Variants in AGBL4 observed in about 807,000 individuals in gnomAD.
AGBL4 encodes the protein AGBL carboxypeptidase 4, also known as cytosolic carboxypeptidase 6.
A neutral mutation model predicts 66.4 loss-of-function variants in AGBL4; 58 were observed. The observed-to-expected ratio is 0.87, with a 90% CI of 0.71 to 1.09. The LOEUF (loss-of-function observed/expected upper bound fraction) is 1.09, where lower values mean the gene tolerates loss of function less well. Ranked by LOEUF, AGBL4 falls within the 50% of genes least tolerant of loss-of-function variation. The pLI is 0.00. For missense variants in AGBL4, 579 were observed against 631.0 expected (o/e 0.92, Z 0.88); for synonymous variants, 234 against 222.9 (o/e 1.05, Z -0.44).
At chr1:48,851,764 C>T (rs1570830759) in intron 6 of AGBL4, among the ~76,000 whole-genome samples, 1 of 152,122 alleles carries the variant, frequency 6.6e-6, no homozygotes, top group East Asian at 1.9e-4. Flanking sequence ...CTCATTTTTT[C>T]AGTTTCTAGA....
chr1:48,692,497 G>C (rs1456960730), intron 6 of AGBL4, among the ~76,000 whole-genome samples: 3 of 152,186 alleles, frequency 2.0e-5, no homozygotes, highest in African/African-American at 7.2e-5. Context: ...GGAGAGGAGC[G>C]TGGGCTGGCC....
chr1:48,785,264 G>C (rs1645383119), intron 6 of AGBL4, among the ~76,000 whole-genome samples: 1 of 152,194 alleles, frequency 6.6e-6, no homozygotes, highest in Non-Finnish European at 1.5e-5. Context: ...CATTAGAGAA[G>C]TGACCATATC....
rs893343811 is a variant in AGBL4, at chr1:49,408,849, C to T, written c.283-162985G>A. ...AGCTGGCAGACAGCCTATTGTGGGA[C>T]TTCACTTTGTGATCGTGTGAGTCAA... On this transcript the variant is annotated intron_variant, in intron 3 of 13. Transcript: ENST00000371839. 4.6e-5 allele frequency among the ~76,000 whole-genome samples: 7 copies of T among 152,316 alleles called. No homozygotes were observed. In the East Asian group the frequency reaches 7.7e-4, roughly 17 times the overall value.
At chr1:49,756,079 T>A (rs143120425) in intron 2 of AGBL4, among the ~76,000 whole-genome samples, 132 of 152,286 alleles carry the variant, frequency 8.7e-4, no homozygotes, top group African/African-American at 3.1e-3. Context: ...CTCTTCAAAT[T>A]TATTTGAAAT....
intron 4 of AGBL4, among the ~76,000 whole-genome samples, chr1:49,170,677 A>G (rs938343411): frequency 2.0e-5 from 3 of 149,184 alleles, no homozygotes; most frequent in African/African-American, 4.9e-5. Flanking sequence ...AAATATGTGT[A>G]TATATATATA....
intron 1 of AGBL4, among the ~76,000 whole-genome samples, chr1:49,885,076 G>T (rs903066711): frequency 7.9e-5 from 12 of 151,800 alleles, no homozygotes; most frequent in African/African-American, 2.9e-4. Flanking sequence ...GTTCATATTG[G>T]TCAAAGTGAA....
In AGBL4 at chr1:49,879,357, T is replaced by G. The variant is rs1386682217; in HGVS notation, c.35-27839A>C. Among the ~76,000 whole-genome samples, 7 of 150,990 alleles carry G rather than the reference T, an allele frequency of 4.6e-5. No homozygotes were observed. The East Asian group carries it at 1.4e-3, about 30-fold the overall frequency. On this transcript the variant is annotated intron_variant, in intron 1 of 13. Transcript: ENST00000371839. ...AGGAGCTCTTTTAGGGCAGGCCTGG[T>G]GGTGACAAAATCTCTCAGCATTTGC...
chr1:49,490,044 T>C (rs1217323354), intron 3 of AGBL4, among the ~76,000 whole-genome samples: 2 of 151,858 alleles, frequency 1.3e-5, no homozygotes, highest in East Asian at 3.9e-4. Flanking sequence ...CTGTATTATG[T>C]GTTCTGGCTA....
At chr1:48,644,204 GTGT>G (rs1194625972) in intron 8 of AGBL4, among the ~76,000 whole-genome samples, 2 of 152,072 alleles carry the variant, frequency 1.3e-5, no homozygotes, top group Non-Finnish European at 2.9e-5. Flanking sequence ...TTATATTACT[GTGT>G]TGTTATTTAT....
intron 4 of AGBL4, among the ~76,000 whole-genome samples, chr1:49,234,627 C>A (rs564589144): frequency 2.0e-5 from 3 of 152,108 alleles, no homozygotes; most frequent in African/African-American, 7.2e-5. Context: ...TTTCCAGGGT[C>A]TTTTCCCTGT....
chr1:49,880,741 G>T (rs1461320926), intron 1 of AGBL4, among the ~76,000 whole-genome samples: 1 of 152,110 alleles, frequency 6.6e-6, no homozygotes, highest in Non-Finnish European at 1.5e-5. Flanking sequence ...GGGCAATGGC[G>T]GGCGCCCCTC....
intron 3 of AGBL4, among the ~76,000 whole-genome samples, chr1:49,305,688 A>C (rs968720302): frequency 7.4e-6 from 1 of 135,870 alleles, no homozygotes; most frequent in Non-Finnish European, 1.6e-5. Context: ...ATATGAATTA[A>C]TCATTCCTTT....
chr1:49,111,327 T>C (rs1645405670), intron 4 of AGBL4, among the ~76,000 whole-genome samples: 1 of 152,202 alleles, frequency 6.6e-6, no homozygotes, highest in Non-Finnish European at 1.5e-5. Flanking sequence ...TTAGCCAGGA[T>C]GGTCTCAATC....
At chr1:48,572,958 A>T (rs1233432171) in intron 11 of AGBL4, among the ~76,000 whole-genome samples, 1 of 152,208 alleles carries the variant, frequency 6.6e-6, no homozygotes, top group African/African-American at 2.4e-5. Flanking sequence ...GTGGGTTACC[A>T]GCCCTGTGGC....
In AGBL4 at chr1:49,965,920, C is replaced by T. The variant is rs187165689; in HGVS notation, c.34+57843G>A. 1.5e-4 allele frequency among the ~76,000 whole-genome samples: 23 copies of T among 151,918 alleles called. No individual in the cohort carries two copies. The East Asian group carries it at 3.9e-3, about 25-fold the overall frequency. ...TAATAATAATAATTCAACCAGAGCCCCATTAGTCTATTACAATGATTTTTT... is the reference window on the plus strand; with the variant it reads ...TAATAATAATAATTCAACCAGAGCCTCATTAGTCTATTACAATGATTTTTT... On this transcript the variant is annotated intron_variant, in intron 1 of 13. Coordinates refer to ENST00000371839, the MANE Select transcript of AGBL4 (RefSeq NM_032785.4).
intron 3 of AGBL4, among the ~76,000 whole-genome samples, chr1:49,617,859 G>T (rs1304530383): frequency 6.6e-6 from 1 of 152,094 alleles, no homozygotes; most frequent in African/African-American, 2.4e-5. Flanking sequence ...GTTTTGTTTT[G>T]TTTTTCATAT....
At position 49,269,400 on chromosome 1, in the gene AGBL4, A is replaced by C. The variant is rs537698566; in HGVS notation, c.283-23536T>G. ...AGATGGCTGTTCAAAGAGCCAACAA[A>C]TAGAAATAACCCTGTAAAGCTGTAT... On this transcript the variant is annotated intron_variant, in intron 3 of 13. Transcript: ENST00000371839. The C allele has an allele frequency of 3.3e-5, 5 of 152,350 alleles. 1 individual carries two copies. In the South Asian group the frequency reaches 1.0e-3, roughly 32 times the overall value. 9.4% of individuals were successfully genotyped at this position (152,350 alleles called of 1,614,324 possible). A position where few individuals can be genotyped will look rare whatever the true frequency, so the allele number is the denominator to read the frequency against.
intron 6 of AGBL4, among the ~76,000 whole-genome samples, chr1:48,760,243 T>C (rs1292351593): frequency 1.3e-5 from 2 of 152,198 alleles, no homozygotes; most frequent in Non-Finnish European, 2.9e-5. Flanking sequence ...CAGCTTCTAC[T>C]GAGGGGCAGT....
At chr1:48,680,159 ATTTGC>A (rs1276203938) in intron 6 of AGBL4, among the ~76,000 whole-genome samples, 4 of 152,214 alleles carry the variant, frequency 2.6e-5, no homozygotes, top group Admixed American at 2.6e-4. Flanking sequence ...CGCAGCTATA[ATTTGC>A]TTTCAGATTC....
Sources: allele counts gnomAD v4.1 joint callset (sites outside exome capture counted in the v4.1 genomes callset), GRCh38; gene constraint gnomAD v4.1.1; transcripts MANE v1.5; gene names NCBI Gene and HGNC (gene_info 2026-07-23, HGNC 2026-07-21).